Variants in USP8 observed in about 807,000 individuals in gnomAD.
The protein encoded by USP8 is ubiquitin carboxyl-terminal hydrolase 8.
A neutral mutation model predicts 130.0 loss-of-function variants in USP8; 27 were observed. The observed-to-expected ratio is 0.21, with a 90% CI of 0.15 to 0.29. USP8 has a LOEUF of 0.29. USP8 is among the 10% of genes least tolerant of loss of function. USP8 has a pLI of 1.00. For missense variants in USP8, 1,029 were observed against 1,312.2 expected (o/e 0.78, Z 3.33); for synonymous variants, 392 against 444.1 (o/e 0.88, Z 1.48).
intron 4 of USP8, among the ~76,000 whole-genome samples, chr15:50,457,120 T>C (rs2050814603): frequency 6.6e-6 from 1 of 152,212 alleles, no homozygotes; most frequent in African/African-American, 2.4e-5. Flanking sequence ...TACAAAATAA[T>C]TTTGAGTTCA....
At chr15:50,490,237 G>GTTT in intron 13 of USP8, 26 bp from the exon 14 acceptor site, 6 of 1,229,138 alleles carry the variant, frequency 4.9e-6, no homozygotes, top group Admixed American at 2.3e-5. Context: ...TTTTTGACCT[G>GTTT]TTTTTTTTTT....
At position 50,509,948 on chromosome 15, in the gene USP8, G is replaced by T. The variant is rs2052716189; in HGVS notation, c.*10860G>T. The stretch of plus-strand genomic sequence containing the variant: ...AAAGTTGTGATGGTAATGACTTAGG[G>T]AATAATGATGGTTCTTGCTCTGCCA... On this transcript the variant is annotated 3_prime_UTR_variant, in exon 20 of 20. Transcript: ENST00000307179. 1.3e-5 allele frequency: 2 copies of T among 152,068 alleles called. No individual in the cohort carries two copies. Among genetic ancestry groups the T allele is most frequent in the African/African-American group, 4.8e-5 (2 of 41,422 alleles). 9.4% of individuals were successfully genotyped at this position (152,068 alleles called of 1,614,324 possible).
At chr15:50,431,912 T>A (rs2049944123) in intron 1 of USP8, among the ~76,000 whole-genome samples, 1 of 152,166 alleles carries the variant, frequency 6.6e-6, no homozygotes, top group Non-Finnish European at 1.5e-5. Context: ...TGCCTCAGCC[T>A]CCCAAAGTGC....
intron 3 of USP8, among the ~76,000 whole-genome samples, chr15:50,445,558 A>AAAAAAAAAAAAG (rs2050404193): frequency 8.4e-6 from 1 of 119,156 alleles, no homozygotes; most frequent in Non-Finnish European, 1.8e-5. Context: ...AAAAAAAAAA[A>AAAAAAAAAAAAG]AAAAAAAAAA....
At position 50,441,472 on chromosome 15, in the gene USP8, A is replaced by T; in HGVS notation, c.228A>T (p.Arg76Ser). The T allele has an allele frequency of 6.3e-7, 1 of 1,576,358 alleles. No homozygotes were observed. The highest frequency in any genetic ancestry group is 1.2e-5 in the South Asian group (1 of 83,802). ...CTGTTTATAATCTTATCAAAAAAAG[A>T]CCTGATTTCAAGCAACAGCAGGTAC... ...YVTVYNLIKKRPDFKQQQDYF... is the reference protein window; with the variant it reads ...YVTVYNLIKKSPDFKQQQDYF... Residue 76 changes from arginine to serine, a missense_variant, in exon 3 of 20, where the codon AGA (arginine) becomes AGT (serine). Coordinates refer to ENST00000307179, the MANE Select transcript of USP8 (RefSeq NM_005154.5).
intron 1 of USP8, among the ~76,000 whole-genome samples, chr15:50,426,307 ATG>A (rs2049720885): frequency 6.6e-6 from 1 of 152,188 alleles, no homozygotes; most frequent in Admixed American, 6.5e-5. Context: ...GTCTTCAGGT[ATG>A]TGTTGCTAAT....
chr15:50,467,439 A>G (rs1355276469), intron 7 of USP8, among the ~76,000 whole-genome samples: 1 of 152,212 alleles, frequency 6.6e-6, no homozygotes, highest in Non-Finnish European at 1.5e-5. Flanking sequence ...TGGTGCTAGT[A>G]TATCTTTTAA....
At chr15:50,479,249 G>A (rs1032751643) in intron 10 of USP8, among the ~76,000 whole-genome samples, 2 of 152,258 alleles carry the variant, frequency 1.3e-5, no homozygotes, top group African/African-American at 2.4e-5. Context: ...TCTTCATGGA[G>A]GAGACAGTAT....
chr15:50,492,035 T>C (rs1204813528), intron 14 of USP8, among the ~76,000 whole-genome samples: 2 of 152,114 alleles, frequency 1.3e-5, no homozygotes, highest in Non-Finnish European at 2.9e-5. Flanking sequence ...CTACTTTTTG[T>C]ATTTTTAGTA....
In USP8 at chr15:50,489,823, G is replaced by C. The variant is rs1279895759; in HGVS notation, c.1913G>C (p.Arg638Thr). The C allele has an allele frequency of 6.4e-7, 1 of 1,567,578 alleles. No homozygotes were observed. The highest frequency in any genetic ancestry group is 1.2e-5 in the South Asian group (1 of 81,492). Residue 638 changes from arginine to threonine, a missense_variant, in exon 13 of 20, where the codon AGA becomes ACA. Physicochemically the swap from Arg to Thr is moderately conservative, Grantham distance 71. This residue lies in a region of USP8 where 486 missense variants were observed against 522.0 expected (regional missense o/e 0.93). Transcript: ENST00000307179. The stretch of plus-strand genomic sequence containing the variant: ...TAGGCTCAACGAGAACCTTTGACAA[G>C]AGCACGAAGTGAAGAAATGGGGAGG... ...RNKAQREPLT[R>T]ARSEEMGRIV... is the part of the protein sequence containing the mutation.
chr15:50,474,497 A>G (rs757583029), intron 8 of USP8, among the ~76,000 whole-genome samples: 1 of 152,218 alleles, frequency 6.6e-6, no homozygotes, highest in Non-Finnish European at 1.5e-5. Context: ...TGAAACTGCC[A>G]GTATTCAACT....
At chr15:50,475,284 A>AG (rs1165076100) in intron 8 of USP8, among the ~76,000 whole-genome samples, 1 of 152,236 alleles carries the variant, frequency 6.6e-6, no homozygotes, top group African/African-American at 2.4e-5. Flanking sequence ...TACAATTATT[A>AG]AATAGTTAAG....
At position 50,507,144 on chromosome 15, in the gene USP8, C is replaced by T. The variant is rs1442618509; in HGVS notation, c.*8056C>T. 6.6e-6 allele frequency: 1 copy of T among 151,872 alleles called. No homozygotes were observed. The highest frequency in any genetic ancestry group is 1.5e-5 in the Non-Finnish European group (1 of 68,116). The allele number at this position is 151,872 out of a possible 1,614,324, so 9.4% of individuals were successfully genotyped here. ...CTAAAAATACAAAAATTAGCTGGGT[C>T]TGGTGGCACATGCCAGTAATCCCAA... On this transcript the variant is annotated 3_prime_UTR_variant, in exon 20 of 20. Transcript: ENST00000307179.
chr15:50,452,868 G>A lies in USP8; in HGVS notation c.335+3383G>A, dbSNP rs2050669369. ...TATTATTTTCGTTGTTATTAACAGTGGAAGCATTCTTGTTCTGTAACACCT... is the reference window on the plus strand; with the variant it reads ...TATTATTTTCGTTGTTATTAACAGTAGAAGCATTCTTGTTCTGTAACACCT... On this transcript the variant is annotated intron_variant, in intron 4 of 19. Transcript: ENST00000307179. 1.3e-5 allele frequency among the ~76,000 whole-genome samples: 2 copies of A among 152,288 alleles called. 1 individual carries two copies. Among genetic ancestry groups the A allele is most frequent in the Middle Eastern group, 6.8e-3 (2 of 294 alleles).
Position 50,489,952 on chromosome 15 carries a change from C to T in USP8, c.1971+71C>T, listed in dbSNP as rs2052098629. 7.2e-6 allele frequency: 9 copies of T among 1,249,666 alleles called. No individual in the cohort carries two copies. In the Middle Eastern group the frequency reaches 7.7e-4, roughly 107 times the overall value. The allele number at this position is 1,249,666 out of a possible 1,614,324, so 77.4% of individuals were successfully genotyped here. A position where few individuals can be genotyped will look rare whatever the true frequency, so the allele number is the denominator to read the frequency against. ...AATGTTTTATTTGTTTATTTTACAT[C>T]TTCTGTAATGCAGAGTCAATTCCAT... On this transcript the variant is annotated intron_variant, in intron 13 of 19. Coordinates refer to ENST00000307179, the MANE Select transcript of USP8 (RefSeq NM_005154.5).
chr15:50,492,277 G>T (rs979243521), intron 14 of USP8, among the ~76,000 whole-genome samples: 1 of 151,856 alleles, frequency 6.6e-6, no homozygotes, highest in Non-Finnish European at 1.5e-5. Context: ...CCACGGTATG[G>T]TTTTTTTTGT....
At chr15:50,473,453 C>T (rs2051449315) in intron 8 of USP8, among the ~76,000 whole-genome samples, 1 of 151,918 alleles carries the variant, frequency 6.6e-6, no homozygotes, top group Non-Finnish European at 1.5e-5. Context: ...CAGACATAAC[C>T]ATCATAGGCC....
chr15:50,505,349 T>C lies in USP8; in HGVS notation c.*6261T>C, dbSNP rs1401338633. On this transcript the variant is annotated 3_prime_UTR_variant, in exon 20 of 20. Coordinates refer to ENST00000307179, the MANE Select transcript of USP8 (RefSeq NM_005154.5). ...TGGTAGAAGTTCTCCATAGCAGCCA[T>C]AGAAATCAGAGACAATACAGTAGCT... 1 of 152,156 alleles carries C rather than the reference T, an allele frequency of 6.6e-6. No individual in the cohort carries two copies. 9.4% of individuals were successfully genotyped at this position (152,156 alleles called of 1,614,324 possible).
chr15:50,441,086 C>T (rs1396452981), intron 2 of USP8, among the ~76,000 whole-genome samples: 3 of 151,790 alleles, frequency 2.0e-5, no homozygotes, highest in African/African-American at 7.3e-5. Flanking sequence ...GAATCTAATG[C>T]CACCATGATC....
Sources: gnomAD v4.1 joint callset for allele counts (sites outside exome capture counted in the v4.1 genomes callset) on GRCh38, gnomAD v4.1.1 for gene constraint, gnomAD v4.1.1 regional missense constraint, MANE v1.5 for transcripts, NCBI Gene and HGNC (gene_info 2026-07-23, HGNC 2026-07-21) for gene names.